The following FMN1 variants were observed in gnomAD, a reference collection of about 807,000 sequenced individuals.
FMN1 encodes formin-1.
Under a neutral mutation model 132.4 loss-of-function variants are expected in FMN1, and 110 were observed. The observed-to-expected ratio is 0.83, with a 90% confidence interval of 0.71 to 0.97. The LOEUF (loss-of-function observed/expected upper bound fraction) is 0.97. Among genes scored for constraint, FMN1 ranks in the 50% least tolerant of loss-of-function variants. The probability of loss-of-function intolerance (pLI) is 0.00; values close to 1 mark genes in which losing one functional copy is unlikely to be tolerated. For missense variants in FMN1, 1,792 were observed against 1,705.3 expected (o/e 1.05, Z -0.90); for synonymous variants, 722 against 651.7 (o/e 1.11, Z -1.64).
intron 9 of FMN1, among the ~76,000 whole-genome samples, chr15:32,933,774 T>C (rs2061184653): frequency 1.3e-5 from 2 of 152,178 alleles, no homozygotes. Flanking sequence ...TGCTGTCTTT[T>C]GGATTGTTTT....
intron 6 of FMN1, among the ~76,000 whole-genome samples, chr15:33,051,187 G>T (rs2036953621): frequency 6.6e-6 from 1 of 152,134 alleles, no homozygotes; most frequent in African/African-American, 2.4e-5. Flanking sequence ...GATCATTCCA[G>T]GGTATGTTCC....
intron 17 of FMN1, among the ~76,000 whole-genome samples, chr15:32,843,436 A>C (rs573072395): frequency 1.3e-5 from 2 of 152,232 alleles, no homozygotes; most frequent in Admixed American, 6.5e-5. Context: ...GAAAGCAACG[A>C]TCACGCACAT....
At chr15:33,049,094 G>A (rs755545476) in intron 6 of FMN1, among the ~76,000 whole-genome samples, 2 of 152,194 alleles carry the variant, frequency 1.3e-5, no homozygotes, top group Non-Finnish European at 2.9e-5. Context: ...AATTAATCTT[G>A]TAAAAAATTC....
intron 20 of FMN1, among the ~76,000 whole-genome samples, chr15:32,776,291 G>A (rs2056415213): frequency 6.6e-6 from 1 of 152,190 alleles, no homozygotes. Context: ...CTGGACTTTG[G>A]AGGACAACGC....
intron 6 of FMN1, among the ~76,000 whole-genome samples, chr15:33,016,598 T>TA (rs1479364302): frequency 6.6e-6 from 1 of 152,224 alleles, no homozygotes; most frequent in Non-Finnish European, 1.5e-5. Context: ...GCTTTTTAAC[T>TA]GGGTGTCTCA....
chr15:33,130,973 G>A (rs1963516630), intron 4 of FMN1, among the ~76,000 whole-genome samples: 1 of 152,136 alleles, frequency 6.6e-6, no homozygotes, highest in African/African-American at 2.4e-5. Context: ...TGTGATGGTT[G>A]TCATAGAGTT....
At chr15:33,000,499 G>A (rs933941512) in intron 7 of FMN1, among the ~76,000 whole-genome samples, 17 of 150,878 alleles carry the variant, frequency 1.1e-4, no homozygotes, top group Admixed American at 7.9e-4. Context: ...ATTTAGGGCT[G>A]AGCATAGTGG....
At chr15:32,833,085 C>G (rs934613546) in intron 17 of FMN1, among the ~76,000 whole-genome samples, 8 of 152,142 alleles carry the variant, frequency 5.3e-5, no homozygotes, top group Non-Finnish European at 1.0e-4. Context: ...TCCACCGCCA[C>G]CACTCCCAGC....
intron 2 of FMN1, among the ~76,000 whole-genome samples, chr15:33,181,192 C>T (rs940915728): frequency 1.3e-5 from 2 of 152,210 alleles, no homozygotes; most frequent in Non-Finnish European, 2.9e-5. Context: ...AGGCCACTCC[C>T]TTCTGCTATA....
chr15:32,899,343 G>A (rs889153862), intron 14 of FMN1, among the ~76,000 whole-genome samples: 2 of 152,122 alleles, frequency 1.3e-5, no homozygotes, highest in Admixed American at 6.5e-5. Context: ...TTATGACCCC[G>A]GGAGGCCAGT....
intron 4 of FMN1, among the ~76,000 whole-genome samples, chr15:33,137,324 G>C (rs754883076): frequency 4.6e-5 from 7 of 152,154 alleles, no homozygotes; most frequent in Non-Finnish European, 1.0e-4. Flanking sequence ...GCACTCAGTA[G>C]CAAAGCACCT....
chr15:33,101,864 T>C (rs1472218951), intron 4 of FMN1, among the ~76,000 whole-genome samples: 1 of 152,168 alleles, frequency 6.6e-6, no homozygotes, highest in South Asian at 2.1e-4. Context: ...AATCCCCATC[T>C]ATAACCCCAC....
At chr15:32,999,335 G>A (rs1042016272) in intron 7 of FMN1, among the ~76,000 whole-genome samples, 1 of 152,224 alleles carries the variant, frequency 6.6e-6, no homozygotes, top group Non-Finnish European at 1.5e-5. Context: ...CGTTGTATCA[G>A]CTCAAATAGA....
intron 6 of FMN1, among the ~76,000 whole-genome samples, chr15:33,048,651 C>CAAAAAAAAAAAAAAAAAAAAAAAAAAA (rs1338668794): frequency 8.3e-5 from 10 of 120,090 alleles, no homozygotes; most frequent in Admixed American, 1.9e-4. Flanking sequence ...AAAAAAAAAC[C>CAAAAAAAAAAAAAAAAAAAAAAAAAAA]AACAGTTTAA....
At chr15:33,069,993 C>CTCTCTCTCTT (rs398026774) in intron 5 of FMN1, among the ~76,000 whole-genome samples, 1 of 74,292 alleles carries the variant, frequency 1.3e-5, no homozygotes, top group Non-Finnish European at 2.5e-5. Flanking sequence ...CAGTCTTTCT[C>CTCTCTCTCTT]TTTTTTTTTT....
intron 17 of FMN1, among the ~76,000 whole-genome samples, chr15:32,853,298 A>G (rs769264408): frequency 2.0e-5 from 3 of 152,230 alleles, no homozygotes; most frequent in Non-Finnish European, 4.4e-5. Context: ...GCCTAATTAT[A>G]GTACCACATT....
intron 17 of FMN1, among the ~76,000 whole-genome samples, chr15:32,849,124 C>T (rs752695247): frequency 6.7e-6 from 1 of 150,250 alleles, no homozygotes; most frequent in African/African-American, 2.5e-5. Context: ...GCTGGGACTA[C>T]AGGCGCTTGT....
At chr15:33,174,224 A>G (rs1396599224) in intron 3 of FMN1, among the ~76,000 whole-genome samples, 2 of 152,126 alleles carry the variant, frequency 1.3e-5, no homozygotes, top group Non-Finnish European at 2.9e-5. Flanking sequence ...AAACATCCAA[A>G]TGAAATGGGT....
At chr15:33,147,884 A>C (rs938195705) in intron 4 of FMN1, among the ~76,000 whole-genome samples, 1 of 152,228 alleles carries the variant, frequency 6.6e-6, no homozygotes, top group African/African-American at 2.4e-5. Context: ...AAGCAGGCAC[A>C]ATGGGATCTC....
Sources: allele counts gnomAD v4.1 joint callset (sites outside exome capture counted in the v4.1 genomes callset), GRCh38; gene constraint gnomAD v4.1.1; transcripts MANE v1.5; gene names NCBI Gene and HGNC (gene_info 2026-07-23, HGNC 2026-07-21).